The following NRG3 variants were observed in gnomAD, a reference collection of about 807,000 sequenced individuals.
NRG3 encodes the protein neuregulin 3, also known as pro-neuregulin-3, membrane-bound isoform.
A neutral mutation model predicts 66.9 loss-of-function variants in NRG3; 31 were observed. The ratio of observed to expected loss-of-function variants is 0.46; its 90% CI spans 0.35 to 0.63. The LOEUF is 0.63. Among genes scored for constraint, NRG3 ranks in the 20% least tolerant of loss-of-function variants. The pLI is 0.00. For synonymous variants in NRG3, 393 were observed against 359.4 expected (o/e 1.09, Z -1.06); for missense variants, 910 against 878.9 (o/e 1.04, Z -0.45).
chr10:82,209,258 G>T (rs1029564182), intron 1 of NRG3, among the ~76,000 whole-genome samples: 2 of 152,068 alleles, frequency 1.3e-5, no homozygotes, highest in African/African-American at 4.8e-5. Flanking sequence ...CAACATAAAT[G>T]AATCTAATGC....
At chr10:82,477,288 G>T (rs1417705247) in intron 2 of NRG3, among the ~76,000 whole-genome samples, 1 of 152,170 alleles carries the variant, frequency 6.6e-6, no homozygotes, top group South Asian at 2.1e-4. Flanking sequence ...AGGGTCTCAC[G>T]AGCAGAGTTG....
chr10:81,929,894 T>C (rs1847174583), intron 1 of NRG3, among the ~76,000 whole-genome samples: 2 of 152,202 alleles, frequency 1.3e-5, no homozygotes, highest in Non-Finnish European at 2.9e-5. Context: ...ACTGTAAAAA[T>C]TTTATCTAAA....
chr10:82,234,540 A>T (rs7074104), intron 1 of NRG3, among the ~76,000 whole-genome samples: 1 of 152,226 alleles, frequency 6.6e-6, no homozygotes, highest in African/African-American at 2.4e-5. Flanking sequence ...TAATAACATT[A>T]TAGGCAATCA....
chr10:82,653,148 C>T (rs1056613266), intron 2 of NRG3, among the ~76,000 whole-genome samples: 1 of 152,144 alleles, frequency 6.6e-6, no homozygotes, highest in African/African-American at 2.4e-5. Context: ...CTGAAACTTA[C>T]ATGTTTCATA....
chr10:81,877,399 G>C (rs1291228794), intron 1 of NRG3, among the ~76,000 whole-genome samples: 2 of 152,068 alleles, frequency 1.3e-5, no homozygotes, highest in African/African-American at 4.8e-5. Context: ...TGGTTATGCT[G>C]TCTTTATATT....
intron 1 of NRG3, among the ~76,000 whole-genome samples, chr10:82,043,492 G>C (rs142105599): frequency 6.6e-6 from 1 of 152,154 alleles, no homozygotes; most frequent in East Asian, 1.9e-4. Flanking sequence ...TTTTAAGTTA[G>C]AAGAGTAGAA....
At chr10:82,620,415 A>G (rs1474119064) in intron 2 of NRG3, among the ~76,000 whole-genome samples, 3 of 152,140 alleles carry the variant, frequency 2.0e-5, no homozygotes, top group African/African-American at 7.2e-5. Flanking sequence ...GGGGAGCTGG[A>G]GAGGGGATGG....
At chr10:82,198,955 C>A (rs1226984281) in intron 1 of NRG3, among the ~76,000 whole-genome samples, 1 of 150,292 alleles carries the variant, frequency 6.7e-6, no homozygotes, top group African/African-American at 2.5e-5. Flanking sequence ...CAAGATCACG[C>A]CACTGCACTC....
intron 1 of NRG3, among the ~76,000 whole-genome samples, chr10:82,063,694 G>A (rs1278455729): frequency 2.6e-5 from 4 of 151,810 alleles, no homozygotes; most frequent in Admixed American, 2.0e-4. Flanking sequence ...CTAAAGAAAG[G>A]AACTAAAGAA....
intron 2 of NRG3, among the ~76,000 whole-genome samples, chr10:82,469,491 C>T (rs984580287): frequency 6.6e-6 from 1 of 151,894 alleles, no homozygotes; most frequent in Non-Finnish European, 1.5e-5. Context: ...GTCATGGTGG[C>T]GTGGTGTTGG....
intron 1 of NRG3, among the ~76,000 whole-genome samples, chr10:82,173,696 C>CACACACACAT (rs1221750096): frequency 6.6e-6 from 1 of 151,106 alleles, no homozygotes; most frequent in African/African-American, 2.4e-5. Flanking sequence ...CACACACACA[C>CACACACACAT]ACACACACGC....
chr10:82,628,553 T>A (rs2133697257), intron 2 of NRG3, among the ~76,000 whole-genome samples: 1 of 152,230 alleles, frequency 6.6e-6, no homozygotes, highest in East Asian at 1.9e-4. Context: ...ACTGACTTCT[T>A]CTTACTCTGC....
At chr10:82,941,123 C>T (rs1232663285) in intron 4 of NRG3, among the ~76,000 whole-genome samples, 4 of 151,938 alleles carry the variant, frequency 2.6e-5, no homozygotes, top group Non-Finnish European at 5.9e-5. Context: ...GGACTGGAGG[C>T]CCCCCACCCC....
intron 2 of NRG3, among the ~76,000 whole-genome samples, chr10:82,631,458 A>T (rs2049825602): frequency 6.6e-6 from 1 of 152,100 alleles, no homozygotes; most frequent in African/African-American, 2.4e-5. Flanking sequence ...TTCCGAAGAG[A>T]TACATACAGT....
chr10:82,401,168 G>A (rs1273875534), intron 2 of NRG3, among the ~76,000 whole-genome samples: 1 of 151,974 alleles, frequency 6.6e-6, no homozygotes, highest in African/African-American at 2.4e-5. Flanking sequence ...AGAGGTGTCT[G>A]GTAAGCTAAA....
At position 82,985,110 on chromosome 10, in the gene NRG3, T is replaced by A; in HGVS notation, c.1596T>A (p.Ser532Arg). ...DTIPCQGYSS[S>R]GLKTQRNTSI... ...GTTTCTTTTTCAGGTATTCATCCAG[T>A]GGTTTAAAAACCCAACGAAATACAT... is the stretch of plus-strand genomic sequence containing the variant. The change falls in exon 9 of 9, where the codon AGT becomes AGA. Residue 532 changes from serine (S) to arginine (R), a missense_variant. Ser to Arg is a moderately radical substitution (Grantham distance 110). Coordinates refer to ENST00000372141, the MANE Select transcript of NRG3 (RefSeq NM_001010848.4). 2 of 1,613,554 alleles carry A rather than the reference T, an allele frequency of 1.2e-6. No individual in the cohort carries two copies. The highest frequency in any genetic ancestry group is 8.5e-7 in the Non-Finnish European group (1 of 1,179,770).
intron 2 of NRG3, among the ~76,000 whole-genome samples, chr10:82,363,479 G>A (rs763321568): frequency 4.0e-5 from 6 of 151,670 alleles, no homozygotes; most frequent in East Asian, 1.9e-4. Flanking sequence ...TTTTTGAGAC[G>A]GAGTCTCGCT....
At chr10:82,244,808 A>C (rs528366426) in intron 1 of NRG3, among the ~76,000 whole-genome samples, 1 of 152,054 alleles carries the variant, frequency 6.6e-6, no homozygotes. Context: ...ATCTCGGCTC[A>C]CTGCAACTGC....
At chr10:82,851,917 A>G (rs1277402203) in intron 3 of NRG3, among the ~76,000 whole-genome samples, 1 of 152,182 alleles carries the variant, frequency 6.6e-6, no homozygotes, top group Admixed American at 6.5e-5. Context: ...GACTCAGAGT[A>G]TGTAGATATA....
Sources: allele counts gnomAD v4.1 joint callset (sites outside exome capture counted in the v4.1 genomes callset), GRCh38; gene constraint gnomAD v4.1.1; transcripts MANE v1.5; gene names NCBI Gene and HGNC (gene_info 2026-07-23, HGNC 2026-07-21).